AGBL4: variants seen among roughly 807,000 people sequenced by gnomAD.
The protein encoded by AGBL4 is cytosolic carboxypeptidase 6.
Under a neutral mutation model 66.4 loss-of-function variants are expected in AGBL4, and 58 were observed. The observed-to-expected ratio is 0.87, with a 90% CI of 0.71 to 1.09. The LOEUF is 1.09. Among genes scored for constraint, AGBL4 ranks in the 50% least tolerant of loss-of-function variants. The probability of loss-of-function intolerance (pLI) is 0.00; values close to 1 mark genes in which losing one functional copy is unlikely to be tolerated. For missense variants in AGBL4, 579 were observed against 631.0 expected (o/e 0.92, Z 0.88); for synonymous variants, 234 against 222.9 (o/e 1.05, Z -0.44).
chr1:49,518,190 A>T (rs947402769), intron 3 of AGBL4, among the ~76,000 whole-genome samples: 1 of 152,056 alleles, frequency 6.6e-6, no homozygotes. Context: ...TAGCATAGTT[A>T]GGTTACATTC....
At chr1:49,163,674 A>G (rs1646580385) in intron 4 of AGBL4, among the ~76,000 whole-genome samples, 1 of 152,210 alleles carries the variant, frequency 6.6e-6, no homozygotes, top group African/African-American at 2.4e-5. Flanking sequence ...ATGAAAATCA[A>G]TCACACATTA....
At chr1:49,300,085 C>A (rs1307612350) in intron 3 of AGBL4, among the ~76,000 whole-genome samples, 1 of 152,148 alleles carries the variant, frequency 6.6e-6, no homozygotes, top group Non-Finnish European at 1.5e-5. Context: ...CCTGTCTTTA[C>A]CTTCTTTTGC....
At chr1:48,847,163 G>A (rs547475374) in intron 6 of AGBL4, among the ~76,000 whole-genome samples, 8 of 152,230 alleles carry the variant, frequency 5.3e-5, no homozygotes, top group African/African-American at 1.9e-4. Flanking sequence ...AGCCAGGCAT[G>A]GTGGCGCATG....
chr1:49,850,199 G>T (rs1217284477), intron 2 of AGBL4, among the ~76,000 whole-genome samples: 1 of 152,102 alleles, frequency 6.6e-6, no homozygotes, highest in Non-Finnish European at 1.5e-5. Context: ...TGACATTTTT[G>T]TAAAAAGTGG....
At chr1:49,389,555 C>T (rs182060112) in intron 3 of AGBL4, among the ~76,000 whole-genome samples, 6 of 152,248 alleles carry the variant, frequency 3.9e-5, no homozygotes, top group Non-Finnish European at 8.8e-5. Context: ...TGCCTGTCCT[C>T]TCAAGCCCCT....
intron 3 of AGBL4, among the ~76,000 whole-genome samples, chr1:49,350,845 C>T (rs1398183320): frequency 6.6e-6 from 1 of 152,086 alleles, no homozygotes; most frequent in Non-Finnish European, 1.5e-5. Flanking sequence ...ACTCTTCCTG[C>T]TGCTTCTTCT....
At chr1:49,906,116 C>CTGTGTGTGTGTGTGTG (rs59711282) in intron 1 of AGBL4, among the ~76,000 whole-genome samples, 21 of 147,400 alleles carry the variant, frequency 1.4e-4, no homozygotes, top group African/African-American at 5.2e-4. Context: ...AAACAGGACT[C>CTGTGTGTGTGTGTGTG]TGTGTGTGTG....
intron 3 of AGBL4, among the ~76,000 whole-genome samples, chr1:49,608,244 C>A (rs1645094667): frequency 6.6e-6 from 1 of 152,116 alleles, no homozygotes; most frequent in Non-Finnish European, 1.5e-5. Flanking sequence ...TAATGCACTG[C>A]TCATATTAAA....
At chr1:48,795,245 C>T (rs948101430) in intron 6 of AGBL4, among the ~76,000 whole-genome samples, 1 of 152,186 alleles carries the variant, frequency 6.6e-6, no homozygotes, top group Non-Finnish European at 1.5e-5. Context: ...AGCTTCTCAT[C>T]TATCTTTGGA....
chr1:49,982,467 G>A (rs1159826238), intron 1 of AGBL4, among the ~76,000 whole-genome samples: 1 of 152,218 alleles, frequency 6.6e-6, no homozygotes, highest in Non-Finnish European at 1.5e-5. Context: ...GGGTGCTGAG[G>A]GCAGCTCAGC....
At chr1:48,801,177 A>T (rs1180410100) in intron 6 of AGBL4, among the ~76,000 whole-genome samples, 1 of 152,164 alleles carries the variant, frequency 6.6e-6, no homozygotes, top group African/African-American at 2.4e-5. Context: ...CCCCACTAAC[A>T]GCAGCACCAA....
At chr1:49,957,170 G>A (rs936283057) in intron 1 of AGBL4, among the ~76,000 whole-genome samples, 1 of 151,912 alleles carries the variant, frequency 6.6e-6, no homozygotes, top group African/African-American at 2.4e-5. Flanking sequence ...AAATAAGAGT[G>A]TAATTAAATA....
intron 3 of AGBL4, among the ~76,000 whole-genome samples, chr1:49,254,578 G>A (rs1254903962): frequency 6.6e-6 from 1 of 152,078 alleles, no homozygotes; most frequent in African/African-American, 2.4e-5. Context: ...TTGTTAAAAT[G>A]GTCATACTGC....
chr1:49,584,576 T>C (rs1644610978), intron 3 of AGBL4, among the ~76,000 whole-genome samples: 1 of 152,172 alleles, frequency 6.6e-6, no homozygotes, highest in Non-Finnish European at 1.5e-5. Context: ...TCAATTTCTT[T>C]TTTTTCTCCT....
chr1:49,778,708 A>C lies in AGBL4; in HGVS notation c.157+72688T>G, dbSNP rs373226601. 2.6e-5 allele frequency among the ~76,000 whole-genome samples: 4 copies of C among 152,300 alleles called. No homozygotes were observed. The East Asian group carries it at 7.7e-4, about 29-fold the overall frequency. On this transcript the variant is annotated intron_variant, in intron 2 of 13. Coordinates refer to ENST00000371839, the MANE Select transcript of AGBL4 (RefSeq NM_032785.4). ...GGGGAGTTGGTCTTTAATTGGAATA[A>C]ACAATTTATACCAAATACAACATGT...
At chr1:49,010,774 T>C (rs1662335535) in intron 5 of AGBL4, among the ~76,000 whole-genome samples, 1 of 151,750 alleles carries the variant, frequency 6.6e-6, no homozygotes, top group Non-Finnish European at 1.5e-5. Flanking sequence ...AAATAAGCAA[T>C]GGGGAAAGGA....
chr1:48,568,085 C>T (rs765715502), intron 11 of AGBL4, among the ~76,000 whole-genome samples: 2 of 152,154 alleles, frequency 1.3e-5, no homozygotes, highest in South Asian at 2.1e-4. Context: ...AAGTCTTATT[C>T]GGGCCCTCAA....
At chr1:49,808,098 T>A (rs1234267840) in intron 2 of AGBL4, among the ~76,000 whole-genome samples, 2 of 152,148 alleles carry the variant, frequency 1.3e-5, no homozygotes, top group Non-Finnish European at 2.9e-5. Flanking sequence ...AATGTGCAAA[T>A]GGAGAGATTA....
At chr1:49,207,542 T>TTTTC (rs71056688) in intron 4 of AGBL4, among the ~76,000 whole-genome samples, 16,185 of 77,936 alleles carry the variant, frequency 0.21, 2,102 homozygotes, top group Non-Finnish European at 0.23. Context: ...TTTTTCTTTC[T>TTTTC]TTTCTTTCTT....
Sources: allele counts gnomAD v4.1 joint callset (sites outside exome capture counted in the v4.1 genomes callset), GRCh38; gene constraint gnomAD v4.1.1; transcripts MANE v1.5; gene names NCBI Gene and HGNC (gene_info 2026-07-23, HGNC 2026-07-21).